The following TRHDE variants were observed in gnomAD, a reference collection of about 807,000 sequenced individuals.
The protein encoded by TRHDE is thyrotropin releasing hormone degrading enzyme.
Under a neutral mutation model 125.7 loss-of-function variants are expected in TRHDE, and 72 were observed. The ratio of observed to expected loss-of-function variants is 0.57; its 90% CI spans 0.47 to 0.70. The LOEUF (loss-of-function observed/expected upper bound fraction) is 0.70. Among genes scored for constraint, TRHDE ranks in the 30% least tolerant of loss-of-function variants. TRHDE has a pLI of 0.00. For missense variants in TRHDE, 1,110 were observed against 1,327.1 expected (o/e 0.84, Z 2.54); for synonymous variants, 509 against 509.1 (o/e 1.00, Z 0.00).
chr12:72,449,777 C>T (rs2135868240), intron 3 of TRHDE, among the ~76,000 whole-genome samples: 1 of 152,070 alleles, frequency 6.6e-6, no homozygotes, highest in East Asian at 1.9e-4. Context: ...TTTGTTATTA[C>T]TTTTCCTTTA....
At chr12:72,418,043 T>G (rs1269363769) in intron 3 of TRHDE, among the ~76,000 whole-genome samples, 1 of 152,068 alleles carries the variant, frequency 6.6e-6, no homozygotes, top group Non-Finnish European at 1.5e-5. Flanking sequence ...AAACTTATGC[T>G]GAAGTTTAAA....
At chr12:72,517,523 A>G (rs1878938946) in intron 6 of TRHDE, among the ~76,000 whole-genome samples, 2 of 151,418 alleles carry the variant, frequency 1.3e-5, no homozygotes, top group Non-Finnish European at 2.9e-5. Flanking sequence ...CGTCTGTTTG[A>G]TTCTTCTCTC....
At chr12:72,465,827 C>T (rs930616095) in intron 3 of TRHDE, among the ~76,000 whole-genome samples, 1 of 152,162 alleles carries the variant, frequency 6.6e-6, no homozygotes, top group African/African-American at 2.4e-5. Context: ...TAAGTTGCTT[C>T]AATACACGGT....
intron 2 of TRHDE, among the ~76,000 whole-genome samples, chr12:72,369,801 G>C (rs112096489): frequency 3.3e-5 from 5 of 152,232 alleles, no homozygotes; most frequent in African/African-American, 1.2e-4. Context: ...TGCAGAGGAA[G>C]AGATAAAGCC....
In TRHDE at chr12:72,202,843, GTTTA is replaced by G. The variant is rs1439666567; in HGVS notation, n.279+97097_279+97100del. ...TTAGAATCTTTTATTCTAATAAAAT[GTTTA>G]TTTATCTATATTATTACATTTCTGA... is the stretch of plus-strand genomic sequence containing the variant. On this transcript the variant is annotated intron_variant and non_coding_transcript_variant, in intron 2 of 4. Transcript: ENST00000548156. Among the ~76,000 whole-genome samples the G allele has an allele frequency of 5.9e-5, 9 of 152,066 alleles. No homozygotes were observed. The South Asian group carries it at 1.0e-3, about 18-fold the overall frequency.
chr12:72,492,074 C>T (rs1877709154), intron 5 of TRHDE, among the ~76,000 whole-genome samples: 1 of 151,886 alleles, frequency 6.6e-6, no homozygotes, highest in Non-Finnish European at 1.5e-5. Context: ...AGTGTGTTTA[C>T]ACAAGATTGG....
At chr12:72,344,749 C>T (rs1870237930) in intron 2 of TRHDE, among the ~76,000 whole-genome samples, 1 of 152,062 alleles carries the variant, frequency 6.6e-6, no homozygotes, top group Non-Finnish European at 1.5e-5. Context: ...CAAGCCTCCA[C>T]CCCTGAGCTT....
At chr12:72,365,226 A>T (rs926335621) in intron 2 of TRHDE, among the ~76,000 whole-genome samples, 4 of 152,138 alleles carry the variant, frequency 2.6e-5, no homozygotes, top group African/African-American at 9.7e-5. Context: ...CCTGTGTGTT[A>T]GGCTTCTGCT....
intron 12 of TRHDE, among the ~76,000 whole-genome samples, chr12:72,577,154 G>A (rs181860283): frequency 2.0e-5 from 3 of 152,252 alleles, no homozygotes; most frequent in East Asian, 3.9e-4. Flanking sequence ...ATGTGATAAT[G>A]TACTGAAAGA....
At chr12:72,409,364 A>G (rs1257890146) in intron 3 of TRHDE, among the ~76,000 whole-genome samples, 1 of 152,232 alleles carries the variant, frequency 6.6e-6, no homozygotes, top group Non-Finnish European at 1.5e-5. Context: ...ACTATCTAAT[A>G]GAAATAGAAA....
At chr12:72,118,759 T>C (rs1239257162) in intron 2 of TRHDE, among the ~76,000 whole-genome samples, 1 of 152,100 alleles carries the variant, frequency 6.6e-6, no homozygotes, top group African/African-American at 2.4e-5. Context: ...TTTTGGATTT[T>C]TTCATGGTTC....
intron 12 of TRHDE, among the ~76,000 whole-genome samples, chr12:72,614,219 T>C (rs1238637702): frequency 6.6e-6 from 1 of 151,720 alleles, no homozygotes; most frequent in Non-Finnish European, 1.5e-5. Flanking sequence ...AAAAAATTCA[T>C]ACTATATCAC....
chr12:72,519,724 T>G (rs1592507714), intron 6 of TRHDE, among the ~76,000 whole-genome samples: 1 of 152,186 alleles, frequency 6.6e-6, no homozygotes. Flanking sequence ...GGTGCTCTGC[T>G]TTTTAGAGTT....
At chr12:72,215,875 G>C (rs546775262) in intron 2 of TRHDE, among the ~76,000 whole-genome samples, 1 of 152,202 alleles carries the variant, frequency 6.6e-6, no homozygotes, top group South Asian at 2.1e-4. Flanking sequence ...AGAGGATTGT[G>C]GTTATGTTAA....
intron 1 of TRHDE, among the ~76,000 whole-genome samples, chr12:72,276,303 A>G (rs1222188005): frequency 6.6e-6 from 1 of 152,238 alleles, no homozygotes; most frequent in Non-Finnish European, 1.5e-5. Flanking sequence ...TTAGTTAGAT[A>G]TAATTTTGCC....
intron 5 of TRHDE, among the ~76,000 whole-genome samples, chr12:72,483,215 G>T (rs1212342527): frequency 6.6e-6 from 1 of 151,688 alleles, no homozygotes. Flanking sequence ...AAGTCTCACA[G>T]ACCTATTTTA....
At chr12:72,650,843 G>A (rs1460794164) in intron 15 of TRHDE, among the ~76,000 whole-genome samples, 6 of 152,110 alleles carry the variant, frequency 3.9e-5, no homozygotes, top group South Asian at 4.1e-4. Flanking sequence ...AGGCATCTCC[G>A]TAATCTTAAC....
At chr12:72,468,588 G>C (rs968222843) in intron 3 of TRHDE, among the ~76,000 whole-genome samples, 1 of 152,180 alleles carries the variant, frequency 6.6e-6, no homozygotes, top group African/African-American at 2.4e-5. Context: ...CAGGCTGCTG[G>C]GTTCAAATTT....
intron 6 of TRHDE, among the ~76,000 whole-genome samples, chr12:72,539,015 C>CTT (rs774741938): frequency 6.6e-6 from 1 of 151,890 alleles, no homozygotes; most frequent in Admixed American, 6.6e-5. Flanking sequence ...GTGATTTCCA[C>CTT]TTTCACGCCT....
Sources: gnomAD v4.1 joint callset for allele counts (sites outside exome capture counted in the v4.1 genomes callset) on GRCh38, gnomAD v4.1.1 for gene constraint, MANE v1.5 for transcripts, NCBI Gene and HGNC (gene_info 2026-07-23, HGNC 2026-07-21) for gene names.